TTN: variants seen among roughly 807,000 people sequenced by gnomAD.
The protein encoded by TTN is connectin.
In TTN, 1,525 loss-of-function variants were observed where a neutral mutation model predicts 3,223.0. That is an observed-to-expected ratio of 0.47 (90% CI 0.45 to 0.49). The LOEUF is 0.49. Among genes scored for constraint, TTN ranks in the 20% least tolerant of loss-of-function variants. The pLI is 0.00. For missense variants in TTN, 40,786 were observed against 43,424.0 expected, an observed-to-expected ratio of 0.94 and a Z score of 5.40; for synonymous variants, 14,094 against 15,161.0, an observed-to-expected ratio of 0.93 and a Z score of 5.17.
In TTN at chr2:178,558,530, A is replaced by G; in HGVS notation, c.86929T>C (p.Tyr28977His). 1 of 1,613,788 alleles carries G rather than the reference A, an allele frequency of 6.2e-7. No individual in the cohort carries two copies. The highest frequency in any genetic ancestry group is 8.5e-7 in the Non-Finnish European group (1 of 1,179,808). ...CCTTTTTCTAGTGCTTCAACGACATAGTGTACAATTCTGCTTCCGCCATCA... is the reference window on the plus strand; with the variant it reads ...CCTTTTTCTAGTGCTTCAACGACATGGTGTACAATTCTGCTTCCGCCATCA... ...EHDGGSRIVH[Y>H]VVEALEKGQK... is the part of the protein sequence containing the mutation. Residue 28977 changes from tyrosine to histidine, a missense_variant, in exon 327 of 363, where the codon TAT (tyrosine) becomes CAT (histidine). Transcript: ENST00000589042.
chr2:178,557,412 A>G lies in TTN; in HGVS notation c.87850T>C (p.Trp29284Arg), dbSNP rs771918759. The change falls in exon 329 of 363, where the codon TGG becomes CGG. Residue 29284 changes from tryptophan to arginine, a missense_variant. By Grantham distance (101) the Trp-to-Arg change is moderately radical (BLOSUM62 -3). Transcript: ENST00000589042. ...LEMKDRNSIL[W>R]QKANKLVIRT... is the part of the protein sequence containing the mutation. ...ATGACCAGTTTGTTGGCTTTTTGCC[A>G]TAAAATACTGTTTCTGTCTTTCATT... 2 of 1,613,962 alleles carry G rather than the reference A, an allele frequency of 1.2e-6. No individual in the cohort carries two copies. Among genetic ancestry groups the G allele is most frequent in the South Asian group, 1.1e-5 (1 of 91,086 alleles).
rs773950331 is a variant in TTN at position 178,714,190 on chromosome 2, A to G, written c.26483-15T>C. On this transcript the variant is annotated splice_polypyrimidine_tract_variant and intron_variant, in intron 91 of 362. Transcript: ENST00000589042. Reference sequence around the variant, plus strand: ...TGTTGCAGGCTCTGGAATGAAATGTAAAAGATATCCATATTTTAAACTCAA... The same window carrying G: ...TGTTGCAGGCTCTGGAATGAAATGTGAAAGATATCCATATTTTAAACTCAA... 3.1e-6 allele frequency: 5 copies of G among 1,599,838 alleles called. No homozygotes were observed. Among genetic ancestry groups the G allele is most frequent in the African/African-American group, 1.4e-5 (1 of 73,934 alleles).
intron 45 of TTN, 44 bp from the exon 46 acceptor site, chr2:178,756,841 T>G (rs1475450111): frequency 6.4e-7 from 1 of 1,563,322 alleles, no homozygotes; most frequent in East Asian, 2.3e-5. Flanking sequence ...TATTAAGATC[T>G]AAGCTTTGTC....
chr2:178,713,695 A>G, intron 92 of TTN: 1 of 802,766 alleles, frequency 1.2e-6, no homozygotes, highest in Non-Finnish European at 1.9e-6. Flanking sequence ...ATCATTTTGG[A>G]AATTCCTCAA....
In TTN at chr2:178,593,167, C is replaced by T. The variant is rs753714590; in HGVS notation, c.59035+6G>A. On this transcript the variant is annotated splice_donor_region_variant and intron_variant, in intron 299 of 362. Transcript: ENST00000589042. ...TGAAAACTGAATAAATCCATTAATA[C>T]TATACCAATTGGATCTTTAGCAAAG... The T allele has an allele frequency of 2.5e-6, 4 of 1,612,832 alleles. No homozygotes were observed. The highest frequency in any genetic ancestry group is 3.4e-6 in the Non-Finnish European group (4 of 1,179,354).
At position 178,539,739 on chromosome 2, in the gene TTN, C is replaced by G; in HGVS notation, c.98326G>C (p.Val32776Leu). 5.6e-6 allele frequency: 9 copies of G among 1,613,802 alleles called. No individual in the cohort carries two copies. The highest frequency in any genetic ancestry group is 7.6e-6 in the Non-Finnish European group (9 of 1,179,786). Residue 32776 changes from valine to leucine, a missense_variant, in exon 352 of 363, where the codon GTT (valine) becomes CTT (leucine). Val to Leu is a conservative substitution (Grantham distance 32, BLOSUM62 1). Transcript: ENST00000589042. ...TTCTTGCCACATTTATTTTCCAGAA[C>G]CAGGTCATAAGTGCCAGAATCACCC... ...DRGDSGTYDL[V>L]LENKCGKKAV... is the part of the protein sequence containing the mutation.
At chr2:178,550,712 A>G (rs1559190808) in intron 336 of TTN, 1 of 498,614 alleles carries the variant, frequency 2.0e-6, no homozygotes, top group Non-Finnish European at 3.5e-6. Context: ...TTAAGTGGCG[A>G]AAATTACAAA....
In TTN at chr2:178,570,690, C is replaced by A; in HGVS notation, c.75442G>T (p.Gly25148Cys). 6.2e-7 allele frequency: 1 copy of A among 1,613,510 alleles called. No individual in the cohort carries two copies. Among genetic ancestry groups the A allele is most frequent in the South Asian group, 1.1e-5 (1 of 91,078 alleles). ...GCTGTGTTTGAAAGCTCCTGATCAC[C>A]TTTTATCCACTGAATGGTTGGTATT... ...KPIPTIQWIK[G>C]DQELSNTARL... Residue 25148 changes from glycine to cysteine, a missense_variant, in exon 326 of 363, where the codon GGT becomes TGT. Gly to Cys is a radical substitution (Grantham distance 159, BLOSUM62 -3). Coordinates refer to ENST00000589042, the MANE Select transcript of TTN (RefSeq NM_001267550.2).
Position 178,799,821 on chromosome 2 carries a change from A to G in TTN, c.669+4T>C, listed in dbSNP as rs1199005849. ...GCTTGAAAACCAACAGTATAGAAAA[A>G]TACCTTTTCAATTCGGGTTTGTCTT... On this transcript the variant is annotated splice_donor_region_variant and intron_variant, in intron 5 of 362. Coordinates refer to ENST00000589042, the MANE Select transcript of TTN (RefSeq NM_001267550.2). 1.2e-6 allele frequency: 2 copies of G among 1,614,178 alleles called. No homozygotes were observed. Among genetic ancestry groups the G allele is most frequent in the Non-Finnish European group, 1.7e-6 (2 of 1,180,020 alleles).
At position 178,802,175 on chromosome 2, in the gene TTN, A is replaced by G. The variant is rs2154359818; in HGVS notation, c.258T>C (p.Ser86=). ...GCTCAGCAGTACTAGTCGCTTGTCC[A>G]GATCCATTGGTGGCTTTCAGGGAAT... ...GRYSLKATNG[S]GQATSTAELL... The change falls in exon 3 of 363, where the codon TCT becomes TCC. Residue 86 remains serine, a synonymous_variant. Coordinates refer to ENST00000589042, the MANE Select transcript of TTN (RefSeq NM_001267550.2). 1 of 1,614,170 alleles carries G rather than the reference A, an allele frequency of 6.2e-7. No individual in the cohort carries two copies.
At chr2:178,804,531 A>G in intron 2 of TTN, 21 bp downstream of exon 2, 1 of 1,612,676 alleles carries the variant, frequency 6.2e-7, no homozygotes, top group Non-Finnish European at 8.5e-7. Flanking sequence ...AAAAAACAAA[A>G]GTGTGAATGT....
At chr2:178,795,958 T>C (rs2093747974) in intron 6 of TTN, among the ~76,000 whole-genome samples, 1 of 152,234 alleles carries the variant, frequency 6.6e-6, no homozygotes, top group Non-Finnish European at 1.5e-5. Context: ...TCTGGACTTA[T>C]TTTAAATATC....
Position 178,590,093 on chromosome 2 carries a change from A to G in TTN, c.61632T>C (p.His20544=). 1 of 1,613,296 alleles carries G rather than the reference A, an allele frequency of 6.2e-7. No individual in the cohort carries two copies. The highest frequency in any genetic ancestry group is 8.5e-7 in the Non-Finnish European group (1 of 1,179,510). ...TCTTAGCTGAGATGATATACTTGCCATGATCAGCTCTAACAGCTTCTTTAA... is the reference window on the plus strand; with the variant it reads ...TCTTAGCTGAGATGATATACTTGCCGTGATCAGCTCTAACAGCTTCTTTAA... The part of the protein sequence containing the change: ...LQIKEAVRAD[H]GKYIISAKNS... Residue 20544 remains histidine, a synonymous_variant, in exon 304 of 363, where the codon CAT becomes CAC. Transcript: ENST00000589042.
In TTN at chr2:178,533,889, C is replaced by T; in HGVS notation, c.102726G>A (p.Lys34242=). 1 of 1,613,830 alleles carries T rather than the reference C, an allele frequency of 6.2e-7. No individual in the cohort carries two copies. Among genetic ancestry groups the T allele is most frequent in the Non-Finnish European group, 8.5e-7 (1 of 1,179,856 alleles). ...TTGTGTCTGTTCTGCGCTTAATTTT[C>T]TTCATGGTTCTACGGCAGTAATAGT... ...VYDYYCRRTM[K]KIKRRTDTMR... Residue 34242 remains lysine, a synonymous_variant, in exon 358 of 363, where the codon AAG becomes AAA. Transcript: ENST00000589042.
intron 312 of TTN, 74 bp from the exon 313 acceptor site, chr2:178,583,301 A>C: frequency 7.7e-7 from 1 of 1,303,324 alleles, no homozygotes; most frequent in South Asian, 2.1e-5. Context: ...AATAGTGGGA[A>C]ATTCATATGC....
chr2:178,612,983 C>T lies in TTN; in HGVS notation c.49738G>A (p.Gly16580Ser). The change falls in exon 265 of 363, where the codon GGT becomes AGT. Residue 16580 changes from glycine to serine, a missense_variant. By Grantham distance (56) the Gly-to-Ser change is moderately conservative. Transcript: ENST00000589042. ...ATGACATAAGACTCAATCTTTGCAC[C>T]TCCATCATGTTCTGGTTTTGTCCAA... is the stretch of plus-strand genomic sequence containing the variant. ...LNWTKPEHDG[G>S]AKIESYVIEM... The T allele has an allele frequency of 5.6e-6, 9 of 1,612,760 alleles. No individual in the cohort carries two copies. Among genetic ancestry groups the T allele is most frequent in the Non-Finnish European group, 7.6e-6 (9 of 1,179,260 alleles).
Position 178,776,524 on chromosome 2 carries a change from A to C in TTN, c.5340T>G (p.Thr1780=), listed in dbSNP as rs765142245. Residue 1780 remains threonine, a synonymous_variant, in exon 28 of 363, where the codon ACT becomes ACG. Transcript: ENST00000589042. The part of the protein sequence containing the change: ...RDSGIITCRA[T]NKYGTDHTSA... ...ATGTGTGATCTGTTCCATATTTGTT[A>C]GTGGCTCTGCAAGTAATGATACCAC... The C allele has an allele frequency of 6.2e-7, 1 of 1,609,944 alleles. No homozygotes were observed. Among genetic ancestry groups the C allele is most frequent in the Non-Finnish European group, 8.5e-7 (1 of 1,179,996 alleles).
chr2:178,633,108 A>G, intron 233 of TTN, 64 bp from the exon 234 acceptor site: 2 of 1,599,802 alleles, frequency 1.3e-6, no homozygotes, highest in South Asian at 1.1e-5. Flanking sequence ...CCTACAAATC[A>G]TCAAGATATT....
intron 47 of TTN, chr2:178,743,026 T>C (rs1053822917): frequency 7.9e-5 from 12 of 152,074 alleles, no homozygotes; most frequent in Non-Finnish European, 1.8e-4. Flanking sequence ...ATATTAATGG[T>C]GATCACTTAA....
Sources: allele counts gnomAD v4.1 joint callset (sites outside exome capture counted in the v4.1 genomes callset), GRCh38; gene constraint gnomAD v4.1.1; transcripts MANE v1.5; gene names NCBI Gene and HGNC (gene_info 2026-07-23, HGNC 2026-07-21).